Variants in PTPRM observed in about 807,000 individuals in gnomAD.
PTPRM encodes receptor-type tyrosine-protein phosphatase mu.
PTPRM carries 47 observed loss-of-function variants against 186.7 expected under a neutral mutation model. The observed-to-expected ratio is 0.25, with a 90% CI of 0.20 to 0.32. The LOEUF (loss-of-function observed/expected upper bound fraction) is 0.32, where lower values mean the gene tolerates loss of function less well. Ranked by LOEUF, PTPRM falls within the 10% of genes least tolerant of loss-of-function variation. The pLI is 1.00. For missense variants in PTPRM, 1,494 were observed against 1,865.0 expected (o/e 0.80, Z 3.66); for synonymous variants, 668 against 674.9 (o/e 0.99, Z 0.16).
chr18:7,690,731 A>G (rs2039713292), intron 1 of PTPRM, among the ~76,000 whole-genome samples: 1 of 152,184 alleles, frequency 6.6e-6, no homozygotes, highest in Non-Finnish European at 1.5e-5. Context: ...AGTACTTTAA[A>G]ATTATGGTTG....
chr18:7,801,197 T>C (rs1346374421), intron 2 of PTPRM, among the ~76,000 whole-genome samples: 2 of 150,730 alleles, frequency 1.3e-5, no homozygotes, highest in African/African-American at 2.4e-5. Flanking sequence ...AAACTTTGAC[T>C]TTTGTAATAA....
At chr18:7,905,079 C>T (rs1463642416) in intron 3 of PTPRM, among the ~76,000 whole-genome samples, 4 of 152,168 alleles carry the variant, frequency 2.6e-5, no homozygotes, top group African/African-American at 9.6e-5. Context: ...CTGCAACCTC[C>T]GCCTCCCAGA....
intron 1 of PTPRM, among the ~76,000 whole-genome samples, chr18:7,574,598 C>A (rs2036640421): frequency 6.6e-6 from 1 of 152,094 alleles, no homozygotes; most frequent in Non-Finnish European, 1.5e-5. Context: ...ATTAAAATTT[C>A]AAAATCTACT....
Position 8,301,216 on chromosome 18 carries a change from T to C in PTPRM, c.2842+4761T>C, listed in dbSNP as rs560757840. Reference sequence around the variant, plus strand: ...TTGTTTTTGCAGCAGTGTTTGCATATAAAATAGTTTTAATGGTCCTTAAAA... The same window carrying C: ...TTGTTTTTGCAGCAGTGTTTGCATACAAAATAGTTTTAATGGTCCTTAAAA... On this transcript the variant is annotated intron_variant, in intron 20 of 32. Coordinates refer to ENST00000580170, the MANE Select transcript of PTPRM (RefSeq NM_001105244.2). 1.6e-4 allele frequency among the ~76,000 whole-genome samples: 24 copies of C among 152,346 alleles called. No individual in the cohort carries two copies. In the South Asian group the frequency reaches 4.1e-3, roughly 26 times the overall value.
At chr18:7,822,998 G>A (rs2045284527) in intron 2 of PTPRM, among the ~76,000 whole-genome samples, 1 of 152,094 alleles carries the variant, frequency 6.6e-6, no homozygotes, top group Non-Finnish European at 1.5e-5. Context: ...CCCACTAGAT[G>A]TACACCCCTC....
intron 2 of PTPRM, among the ~76,000 whole-genome samples, chr18:7,810,989 GT>G (rs1304128476): frequency 6.6e-6 from 1 of 151,930 alleles, no homozygotes. Context: ...TTGAATACTT[GT>G]TTTATTTTAT....
At chr18:8,341,837 T>A (rs1033825426) in intron 22 of PTPRM, among the ~76,000 whole-genome samples, 1 of 152,214 alleles carries the variant, frequency 6.6e-6, no homozygotes, top group Non-Finnish European at 1.5e-5. Context: ...TGGAATCCGA[T>A]GTTTACTTGT....
chr18:7,691,924 G>T (rs1192950605), intron 1 of PTPRM, among the ~76,000 whole-genome samples: 1 of 137,994 alleles, frequency 7.2e-6, no homozygotes, highest in Non-Finnish European at 1.6e-5. Context: ...AGGATGGCTA[G>T]ATCCCAGGAG....
Position 8,001,678 on chromosome 18 carries a change from CA to C in PTPRM, c.1132+46268del, listed in dbSNP as rs199825224. ...CCAGTAGTTAAGTCTGTATGGCTCC[CA>C]AAACCCATGTCCCCTTCTCTGCCTA... On this transcript the variant is annotated intron_variant, in intron 7 of 32. Coordinates refer to ENST00000580170, the MANE Select transcript of PTPRM (RefSeq NM_001105244.2). Among the ~76,000 whole-genome samples the C allele has an allele frequency of 9.5e-3, 1,446 of 152,250 alleles. 7 individuals are homozygous for C. The highest frequency in any genetic ancestry group is 0.033 in the South Asian group (161 of 4,814).
chr18:7,716,978 A>G (rs1273648064), intron 1 of PTPRM, among the ~76,000 whole-genome samples: 5 of 152,244 alleles, frequency 3.3e-5, no homozygotes, highest in Non-Finnish European at 5.9e-5. Context: ...GTATATACCC[A>G]AAGGATTATA....
chr18:8,164,071 A>G (rs2093277923), intron 14 of PTPRM, among the ~76,000 whole-genome samples: 1 of 152,230 alleles, frequency 6.6e-6, no homozygotes, highest in Non-Finnish European at 1.5e-5. Flanking sequence ...AAGATCCATA[A>G]GTTAAGAGAG....
chr18:7,879,874 A>C (rs1049393318), intron 2 of PTPRM, among the ~76,000 whole-genome samples: 1 of 152,174 alleles, frequency 6.6e-6, no homozygotes, highest in Non-Finnish European at 1.5e-5. Context: ...TCACACTGCT[A>C]TGAAGAAACA....
chr18:8,084,673 A>G (rs2090338618), intron 9 of PTPRM, among the ~76,000 whole-genome samples: 1 of 152,192 alleles, frequency 6.6e-6, no homozygotes, highest in African/African-American at 2.4e-5. Flanking sequence ...AAGTTTACCT[A>G]TTTAAAAGCA....
intron 2 of PTPRM, among the ~76,000 whole-genome samples, chr18:7,791,615 G>A (rs2043349166): frequency 6.6e-6 from 1 of 152,164 alleles, no homozygotes; most frequent in Admixed American, 6.5e-5. Flanking sequence ...AAAGGCAGCT[G>A]GGAGTATGGT....
chr18:8,404,453 C>T (rs2095891097), intron 32 of PTPRM: 1 of 152,322 alleles, frequency 6.6e-6, no homozygotes, highest in Non-Finnish European at 1.5e-5. Context: ...CCGACTTTGA[C>T]TCTCAACTGT....
At chr18:7,889,329 CT>C (rs1222036304) in intron 3 of PTPRM, among the ~76,000 whole-genome samples, 1 of 112,780 alleles carries the variant, frequency 8.9e-6, no homozygotes, top group Non-Finnish European at 1.7e-5. Flanking sequence ...ATTTTCTTTT[CT>C]TTCTTTTTTT....
At chr18:8,335,401 G>A (rs2095433568) in intron 22 of PTPRM, among the ~76,000 whole-genome samples, 1 of 152,130 alleles carries the variant, frequency 6.6e-6, no homozygotes, top group South Asian at 2.1e-4. Flanking sequence ...TACCGACCCT[G>A]GCCTTCAGAC....
chr18:8,144,389 G>A (rs2092833139), intron 14 of PTPRM, among the ~76,000 whole-genome samples: 1 of 152,190 alleles, frequency 6.6e-6, no homozygotes, highest in Non-Finnish European at 1.5e-5. Flanking sequence ...GGAGGCAGGT[G>A]AATCATTTGA....
At chr18:7,714,934 A>C (rs952728279) in intron 1 of PTPRM, among the ~76,000 whole-genome samples, 3 of 152,216 alleles carry the variant, frequency 2.0e-5, no homozygotes, top group African/African-American at 4.8e-5. Flanking sequence ...ATTCTACGAG[A>C]GGTACAAAGA....
Sources: allele counts gnomAD v4.1 joint callset (sites outside exome capture counted in the v4.1 genomes callset), GRCh38; gene constraint gnomAD v4.1.1; transcripts MANE v1.5; gene names NCBI Gene and HGNC (gene_info 2026-07-23, HGNC 2026-07-21).